The following CDK8 variants were observed in gnomAD, a reference collection of about 807,000 sequenced individuals.
CDK8 encodes cyclin-dependent kinase 8.
In CDK8, 29 loss-of-function variants were observed where a neutral mutation model predicts 71.5. That is an observed-to-expected ratio of 0.41 (90% CI 0.30 to 0.55). The LOEUF (loss-of-function observed/expected upper bound fraction) is 0.55. Among genes scored for constraint, CDK8 ranks in the 20% least tolerant of loss-of-function variants. CDK8 has a pLI of 0.37. For missense variants in CDK8, 288 were observed against 572.6 expected (o/e 0.50, Z 5.07); for synonymous variants, 161 against 192.1 (o/e 0.84, Z 1.34).
chr13:26,339,756 A>AAATATATATAT (rs1555231154), intron 2 of CDK8, among the ~76,000 whole-genome samples: 1 of 142,998 alleles, frequency 7.0e-6, no homozygotes, highest in African/African-American at 2.6e-5. Flanking sequence ...TTAAAAAAAA[A>AAATATATATAT]ATATATATAT....
intron 1 of CDK8, among the ~76,000 whole-genome samples, chr13:26,287,281 G>T (rs2137895007): frequency 6.6e-6 from 1 of 152,288 alleles, no homozygotes; most frequent in East Asian, 1.9e-4. Flanking sequence ...AAAATGTAGT[G>T]TCTATATGTA....
Position 26,256,028 on chromosome 13 carries a change from A to G in CDK8, c.128+1259A>G, listed in dbSNP as rs75121051. On this transcript the variant is annotated intron_variant, in intron 1 of 12. Coordinates refer to ENST00000381527, the MANE Select transcript of CDK8 (RefSeq NM_001260.3). The stretch of plus-strand genomic sequence containing the variant: ...AAATGTCTTTCTAAAAGTATTTACA[A>G]TGGACTCTACGAGGAAGATAGGAGT... Among the ~76,000 whole-genome samples, 1,405 of 152,358 alleles carry G rather than the reference A, an allele frequency of 9.2e-3. 9 individuals carry two copies. The highest frequency in any genetic ancestry group is 0.024 in the Middle Eastern group (7 of 294).
At chr13:26,307,263 GA>G (rs1158115377) in intron 1 of CDK8, among the ~76,000 whole-genome samples, 1 of 152,150 alleles carries the variant, frequency 6.6e-6, no homozygotes, top group Non-Finnish European at 1.5e-5. Context: ...AGAAGAGGAA[GA>G]TTATTCTGGA....
intron 4 of CDK8, among the ~76,000 whole-genome samples, chr13:26,379,584 T>G (rs1875119869): frequency 6.6e-6 from 1 of 151,802 alleles, no homozygotes; most frequent in African/African-American, 2.4e-5. Flanking sequence ...GCTGAATGAG[T>G]AAGAAAGTGT....
intron 4 of CDK8, among the ~76,000 whole-genome samples, chr13:26,360,635 CTG>C (rs1593287936): frequency 1.3e-5 from 2 of 152,282 alleles, no homozygotes; most frequent in East Asian, 3.9e-4. Flanking sequence ...GTGTCTTACT[CTG>C]TGTTTGTATG....
Position 26,393,620 on chromosome 13 carries a change from GTCTT to G in CDK8, c.790+112_790+115del, listed in dbSNP as rs1875855362. 5 of 1,107,184 alleles carry G rather than the reference GTCTT, an allele frequency of 4.5e-6. No individual in the cohort carries two copies. In the South Asian group the frequency reaches 7.7e-5, roughly 17 times the overall value. The allele number at this position is 1,107,184 out of a possible 1,614,324, so 68.6% of individuals were successfully genotyped here. A position where few individuals can be genotyped will look rare whatever the true frequency, so the allele number is the denominator to read the frequency against. ...GCTGATGGAAGCTACTTTTACTTGAGTCTTTGTTTTTTGACTTGCATTTATCAAA... is the reference window on the plus strand; with the variant it reads ...GCTGATGGAAGCTACTTTTACTTGAGTGTTTTTTGACTTGCATTTATCAAA... On this transcript the variant is annotated intron_variant, in intron 7 of 12. Transcript: ENST00000381527.
chr13:26,344,384 A>G (rs1410050850), intron 2 of CDK8, among the ~76,000 whole-genome samples: 1 of 152,190 alleles, frequency 6.6e-6, no homozygotes, highest in African/African-American at 2.4e-5. Flanking sequence ...AAGCTAAGGT[A>G]CATATACATT....
chr13:26,295,448 T>C (rs141169060), intron 1 of CDK8, among the ~76,000 whole-genome samples: 192 of 152,318 alleles, frequency 1.3e-3, no homozygotes, highest in African/African-American at 3.7e-3. Context: ...CTTTTGGGTT[T>C]GGTTTAATGC....
At chr13:26,258,137 CTG>C (rs1362572612) in intron 1 of CDK8, among the ~76,000 whole-genome samples, 1 of 152,126 alleles carries the variant, frequency 6.6e-6, no homozygotes, top group Non-Finnish European at 1.5e-5. Context: ...GTTGAGGAAA[CTG>C]AGGCTTAGAA....
intron 6 of CDK8, among the ~76,000 whole-genome samples, chr13:26,391,692 A>T (rs888836867): frequency 6.6e-6 from 1 of 152,238 alleles, no homozygotes; most frequent in African/African-American, 2.4e-5. Flanking sequence ...ATACCTTTCG[A>T]TGACAAAAAC....
intron 1 of CDK8, among the ~76,000 whole-genome samples, chr13:26,292,271 C>T (rs1873338194): frequency 6.6e-6 from 1 of 152,136 alleles, no homozygotes; most frequent in Admixed American, 6.5e-5. Context: ...TACTCTCAGG[C>T]CTCACTACTC....
At chr13:26,378,071 A>G (rs1174404253) in intron 4 of CDK8, among the ~76,000 whole-genome samples, 1 of 152,234 alleles carries the variant, frequency 6.6e-6, no homozygotes, top group Non-Finnish European at 1.5e-5. Context: ...ATTTGCCTTG[A>G]TACATTAGTA....
chr13:26,373,269 A>G (rs1175183298), intron 4 of CDK8, among the ~76,000 whole-genome samples: 1 of 151,526 alleles, frequency 6.6e-6, no homozygotes, highest in East Asian at 1.9e-4. Context: ...ATTTGTTTGC[A>G]TTTTCTAATG....
At chr13:26,274,437 C>CT (rs565492135) in intron 1 of CDK8, among the ~76,000 whole-genome samples, 104 of 144,680 alleles carry the variant, frequency 7.2e-4, no homozygotes, top group South Asian at 2.6e-3. Context: ...TTCTTTCTTT[C>CT]TTTTTTTTTT....
intron 1 of CDK8, among the ~76,000 whole-genome samples, chr13:26,309,503 A>T (rs1874189547): frequency 1.3e-5 from 2 of 152,036 alleles, no homozygotes; most frequent in South Asian, 4.1e-4. Context: ...GAATTATTAT[A>T]CTTTAGTGAT....
intron 1 of CDK8, among the ~76,000 whole-genome samples, chr13:26,289,366 T>C (rs1873188505): frequency 6.6e-6 from 1 of 152,022 alleles, no homozygotes; most frequent in Non-Finnish European, 1.5e-5. Context: ...TTCAGTAGTT[T>C]TTAAGTGTAG....
intron 6 of CDK8, among the ~76,000 whole-genome samples, chr13:26,391,307 A>G (rs966234980): frequency 2.0e-5 from 3 of 152,218 alleles, no homozygotes; most frequent in East Asian, 1.9e-4. Flanking sequence ...GGGTCTTGCT[A>G]TGTTGTCAAG....
intron 3 of CDK8, among the ~76,000 whole-genome samples, chr13:26,353,166 C>CTA (rs1427441287): frequency 6.6e-6 from 1 of 152,168 alleles, no homozygotes; most frequent in Non-Finnish European, 1.5e-5. Context: ...TACTGGATGT[C>CTA]TAACAACATT....
At chr13:26,371,611 C>T (rs983982719) in intron 4 of CDK8, among the ~76,000 whole-genome samples, 2 of 152,084 alleles carry the variant, frequency 1.3e-5, no homozygotes, top group South Asian at 2.1e-4. Flanking sequence ...AATAGAAACA[C>T]GTGTACCTTG....
Sources: allele counts gnomAD v4.1 joint callset (sites outside exome capture counted in the v4.1 genomes callset), GRCh38; gene constraint gnomAD v4.1.1; transcripts MANE v1.5; gene names NCBI Gene and HGNC (gene_info 2026-07-23, HGNC 2026-07-21).